The following FRAS1 variants were observed in gnomAD, a reference collection of about 807,000 sequenced individuals.
FRAS1 encodes Fraser extracellular matrix complex subunit 1.
A neutral mutation model predicts 435.2 loss-of-function variants in FRAS1; 290 were observed. The ratio of observed to expected loss-of-function variants is 0.67; its 90% confidence interval spans 0.61 to 0.73. The LOEUF (loss-of-function observed/expected upper bound fraction) is 0.73, where lower values mean the gene tolerates loss of function less well. FRAS1 is among the 30% of genes least tolerant of loss of function. FRAS1 has a pLI of 0.00. For missense variants in FRAS1, 4,860 were observed against 5,001.5 expected (o/e 0.97, Z 0.85); for synonymous variants, 1,800 against 1,851.0 (o/e 0.97, Z 0.71).
intron 2 of FRAS1, among the ~76,000 whole-genome samples, chr4:78,105,715 A>G (rs1378299235): frequency 6.6e-6 from 1 of 152,120 alleles, no homozygotes; most frequent in East Asian, 1.9e-4. Flanking sequence ...CTCAGTGAAT[A>G]AATTGTGAAA....
At chr4:78,111,643 C>A (rs1742702541) in intron 2 of FRAS1, among the ~76,000 whole-genome samples, 1 of 111,768 alleles carries the variant, frequency 8.9e-6, no homozygotes, top group African/African-American at 3.5e-5. Flanking sequence ...GGGAGATATA[C>A]CTAATGCTAG....
chr4:78,081,562 C>T (rs1227149556), intron 2 of FRAS1, among the ~76,000 whole-genome samples: 1 of 152,002 alleles, frequency 6.6e-6, no homozygotes, highest in Non-Finnish European at 1.5e-5. Flanking sequence ...GGGGGTGAAA[C>T]CAAAAGAACA....
At chr4:78,515,064 T>G (rs1721162546) in intron 65 of FRAS1, among the ~76,000 whole-genome samples, 1 of 18,000 alleles carries the variant, frequency 5.6e-5, no homozygotes, top group African/African-American at 2.0e-4. Flanking sequence ...TAAGACTCCA[T>G]CTCAAAAAAA....
chr4:78,281,176 G>A (rs1727313779), intron 10 of FRAS1, among the ~76,000 whole-genome samples: 1 of 152,126 alleles, frequency 6.6e-6, no homozygotes, highest in Admixed American at 6.6e-5. Flanking sequence ...AAGTACTCAG[G>A]CACAAAGTGA....
At chr4:78,165,670 G>A (rs1263764008) in intron 2 of FRAS1, among the ~76,000 whole-genome samples, 1 of 152,190 alleles carries the variant, frequency 6.6e-6, no homozygotes, top group Non-Finnish European at 1.5e-5. Flanking sequence ...GTGTGATCTT[G>A]ATTGGGCTTG....
chr4:78,450,557 C>A, intron 45 of FRAS1: 1 of 510,888 alleles, frequency 2.0e-6, no homozygotes, highest in East Asian at 3.3e-5. Flanking sequence ...TTTGACTTAG[C>A]ATTGGTGGCA....
intron 1 of FRAS1, among the ~76,000 whole-genome samples, chr4:78,064,970 T>C (rs1431242593): frequency 2.0e-5 from 3 of 150,966 alleles, no homozygotes; most frequent in African/African-American, 7.3e-5. Context: ...CATCTCTTTC[T>C]AAGTTAAATC....
intron 2 of FRAS1, among the ~76,000 whole-genome samples, chr4:78,216,643 C>T (rs1723781162): frequency 6.6e-6 from 1 of 152,166 alleles, no homozygotes; most frequent in African/African-American, 2.4e-5. Context: ...ACCGTTCTTA[C>T]TTTTAGGGCC....
At chr4:78,070,707 T>C (rs1740303719) in intron 2 of FRAS1, 1 of 152,320 alleles carries the variant, frequency 6.6e-6, no homozygotes, top group South Asian at 2.1e-4. Flanking sequence ...TTTCAAAGTT[T>C]TCACACACCT....
intron 2 of FRAS1, among the ~76,000 whole-genome samples, chr4:78,185,959 C>T (rs976169533): frequency 2.6e-5 from 4 of 152,156 alleles, no homozygotes; most frequent in Non-Finnish European, 5.9e-5. Flanking sequence ...CCTGCTGAGT[C>T]TCGTTGCTTT....
intron 53 of FRAS1, 42 bp from the exon 54 acceptor site, chr4:78,475,396 C>T: frequency 6.2e-7 from 1 of 1,610,108 alleles, no homozygotes; most frequent in Non-Finnish European, 8.5e-7. Context: ...TTTTCATAAC[C>T]ATGGGGCATA....
chr4:78,264,385 A>G (rs1408478280), intron 6 of FRAS1, among the ~76,000 whole-genome samples: 3 of 152,204 alleles, frequency 2.0e-5, no homozygotes, highest in Non-Finnish European at 4.4e-5. Context: ...ATTCCCAGAT[A>G]CCTAGAGATA....
At chr4:78,359,378 G>A (rs1472248498) in intron 20 of FRAS1, among the ~76,000 whole-genome samples, 3 of 152,156 alleles carry the variant, frequency 2.0e-5, no homozygotes, top group African/African-American at 7.2e-5. Context: ...TACTCATTTT[G>A]AGGTCTCCCA....
chr4:78,531,205 G>A (rs536335957), intron 70 of FRAS1, among the ~76,000 whole-genome samples: 2 of 152,306 alleles, frequency 1.3e-5, no homozygotes, highest in South Asian at 4.1e-4. Context: ...CTGAGACTTT[G>A]CTGAAGTTGC....
At chr4:78,245,572 C>G (rs1420866609) in intron 4 of FRAS1, among the ~76,000 whole-genome samples, 1 of 152,110 alleles carries the variant, frequency 6.6e-6, no homozygotes, top group African/African-American at 2.4e-5. Context: ...AGTTGTGATG[C>G]TGAATAGTAA....
At chr4:78,539,507 AAAG>A (rs1193777850) in intron 73 of FRAS1, 67 bp downstream of exon 73, 74 of 1,308,746 alleles carry the variant, frequency 5.7e-5, no homozygotes, top group Middle Eastern at 2.6e-4. Flanking sequence ...AAAAAAAAAA[AAAG>A]AAGGAGGACT....
intron 2 of FRAS1, among the ~76,000 whole-genome samples, chr4:78,231,225 G>A (rs564628283): frequency 1.2e-4 from 19 of 152,076 alleles, no homozygotes; most frequent in Admixed American, 1.3e-4. Context: ...AAAGTGCTGG[G>A]ATTACAGGCG....
At chr4:78,285,655 C>T (rs969230770) in intron 13 of FRAS1, among the ~76,000 whole-genome samples, 2 of 152,032 alleles carry the variant, frequency 1.3e-5, no homozygotes, top group African/African-American at 4.8e-5. Context: ...TGGTCTCAAA[C>T]TCCTGGACTC....
intron 14 of FRAS1, among the ~76,000 whole-genome samples, chr4:78,307,381 G>T (rs1728800286): frequency 6.6e-6 from 1 of 152,244 alleles, no homozygotes; most frequent in African/African-American, 2.4e-5. Context: ...TTGAACTGTG[G>T]TGGGGTCCAC....
Sources: allele counts gnomAD v4.1 joint callset (sites outside exome capture counted in the v4.1 genomes callset), GRCh38; gene constraint gnomAD v4.1.1; transcripts MANE v1.5; gene names NCBI Gene and HGNC (gene_info 2026-07-23, HGNC 2026-07-21).